The following COL6A5 variants were observed in gnomAD, a reference collection of about 807,000 sequenced individuals.
The protein encoded by COL6A5 is collagen type VI alpha 5 chain.
Under a neutral mutation model 65.6 loss-of-function variants are expected in COL6A5, and 48 were observed. The observed-to-expected ratio is 0.73, with a 90% CI of 0.58 to 0.93. COL6A5 has a LOEUF of 0.93. Ranked by LOEUF, COL6A5 falls within the 40% of genes least tolerant of loss-of-function variation. The probability of loss-of-function intolerance (pLI) is 0.00; values close to 1 mark genes in which losing one functional copy is unlikely to be tolerated. For missense variants in COL6A5, 914 were observed against 928.3 expected, an observed-to-expected ratio of 0.98 and a Z score of 0.20; for synonymous variants, 291 against 322.8, an observed-to-expected ratio of 0.90 and a Z score of 1.05.
intron 1 of COL6A5, among the ~76,000 whole-genome samples, chr3:130,353,312 CA>C (rs1934789819): frequency 6.6e-6 from 1 of 152,104 alleles, no homozygotes; most frequent in Admixed American, 6.5e-5. Context: ...ACAGAAAACC[CA>C]AAAGCACCAG....
At chr3:130,480,318 G>C (rs1374670497) in intron 7 of COL6A5, among the ~76,000 whole-genome samples, 2 of 151,886 alleles carry the variant, frequency 1.3e-5, no homozygotes, top group Non-Finnish European at 1.5e-5. Context: ...TCTTTAAAAA[G>C]TGTTAATGTA....
At chr3:130,474,055 T>A (rs1710027589) in intron 7 of COL6A5, among the ~76,000 whole-genome samples, 1 of 152,044 alleles carries the variant, frequency 6.6e-6, no homozygotes, top group African/African-American at 2.4e-5. Flanking sequence ...GTAGTAACTG[T>A]GGCAGTCTGT....
At chr3:130,477,162 C>A in intron 7 of COL6A5, 1 of 1,080,412 alleles carries the variant, frequency 9.3e-7, no homozygotes, top group Non-Finnish European at 1.3e-6. Context: ...TAAAGTTAGG[C>A]CATGAAACAG....
At chr3:130,478,607 G>A (rs1710156153) in intron 7 of COL6A5, among the ~76,000 whole-genome samples, 1 of 151,990 alleles carries the variant, frequency 6.6e-6, no homozygotes, top group Non-Finnish European at 1.5e-5. Context: ...CACACAAAAT[G>A]GCACATCTCT....
At position 130,388,468 on chromosome 3, in the gene COL6A5, C is replaced by G; in HGVS notation, c.1862-112C>G. The G allele has an allele frequency of 3.4e-6, 3 of 889,004 alleles. No homozygotes were observed. The South Asian group carries it at 6.2e-5, about 18-fold the overall frequency. 55.1% of individuals were successfully genotyped at this position (889,004 alleles called of 1,614,324 possible). A position where few individuals can be genotyped will look rare whatever the true frequency, so the allele number is the denominator to read the frequency against. ...AATTTTCAAACATAACAACAGTTGC[C>G]TGAGTTAATTTTCAATGTTTTCTCA... is the stretch of plus-strand genomic sequence containing the variant. On this transcript the variant is annotated intron_variant and NMD_transcript_variant, in intron 5 of 41. Coordinates refer to the COL6A5 transcript ENST00000312481.
At chr3:130,426,243 A>C (rs1457919167) in exon 30 of COL6A5, 2 of 1,551,342 alleles carry the variant, frequency 1.3e-6, no homozygotes, top group Admixed American at 3.9e-5. Context: ...GGCAGCCTGT[A>C]TATTCTGTAT....
At chr3:130,356,825 G>T (rs1029951912) in intron 1 of COL6A5, among the ~76,000 whole-genome samples, 1 of 152,142 alleles carries the variant, frequency 6.6e-6, no homozygotes, top group Non-Finnish European at 1.5e-5. Flanking sequence ...TGATGAGCAG[G>T]CTTGCATGTC....
Position 130,455,578 on chromosome 3 carries a change from C to G in COL6A5, c.1458C>G (p.Tyr486Ter). Residue 486 changes from tyrosine (Y) to a stop codon, truncating the protein, a stop_gained, in exon 5 of 8, where the codon TAC becomes TAG. Coordinates refer to ENST00000512836, the Ensembl canonical transcript of COL6A5. LOFTEE classifies it high-confidence loss of function. ...ACAATGGAAGTGACTATTTGGTTTA[C>G]CTTCCAAGCCAAATGTTTGAGCCAC... 6.2e-7 allele frequency: 1 copy of G among 1,612,790 alleles called. No homozygotes were observed. The highest frequency in any genetic ancestry group is 1.1e-5 in the South Asian group (1 of 91,030).
intron 6 of COL6A5, among the ~76,000 whole-genome samples, chr3:130,390,088 TC>T (rs912324620): frequency 1.6e-4 from 25 of 152,140 alleles, no homozygotes; most frequent in African/African-American, 5.8e-4. Flanking sequence ...ATTTTCTTCT[TC>T]CCCCAAAGAT....
intron 6 of COL6A5, among the ~76,000 whole-genome samples, chr3:130,390,168 C>G (rs975238832): frequency 6.6e-6 from 1 of 152,152 alleles, no homozygotes; most frequent in Non-Finnish European, 1.5e-5. Context: ...AACTTTGAAA[C>G]CTGCAAGGCT....
chr3:130,345,893 A>G (rs1413479118), exon 1 of COL6A5: 1 of 398,468 alleles, frequency 2.5e-6, no homozygotes, highest in East Asian at 3.6e-5. Flanking sequence ...GCGCGCGTTT[A>G]CTGCGCTCAG....
At chr3:130,468,732 A>G (rs746558596) in intron 5 of COL6A5, 63 bp from the exon 38 acceptor site, 28 of 1,166,126 alleles carry the variant, frequency 2.4e-5, no homozygotes, top group Non-Finnish European at 3.1e-5. Context: ...TTTGCCATCT[A>G]TGACTAGGAG....
At chr3:130,459,716 T>C (rs1469569889) in intron 5 of COL6A5, among the ~76,000 whole-genome samples, 2 of 150,008 alleles carry the variant, frequency 1.3e-5, no homozygotes, top group African/African-American at 5.0e-5. Context: ...ATGTCCAAGA[T>C]TCTACTATAT....
chr3:130,484,143 G>A, exon 8 of COL6A5: 1 of 1,259,596 alleles, frequency 7.9e-7, no homozygotes, highest in Non-Finnish European at 1.1e-6. Context: ...GAGGTACTGT[G>A]GTAAATGACA....
intron 4 of COL6A5, among the ~76,000 whole-genome samples, chr3:130,380,385 T>C (rs937855254): frequency 4.6e-5 from 7 of 152,136 alleles, no homozygotes; most frequent in African/African-American, 1.7e-4. Context: ...AAACCATTAA[T>C]ACTTTTTTCT....
chr3:130,466,028 GAA>G (rs1169366390), intron 5 of COL6A5, among the ~76,000 whole-genome samples: 1 of 151,958 alleles, frequency 6.6e-6, no homozygotes, highest in African/African-American at 2.4e-5. Context: ...TATAAAAAAT[GAA>G]AAGAGTATTA....
rs952447357 is a variant in COL6A5 at position 130,410,181 on chromosome 3, A to G, written c.4608+107A>G. The stretch of plus-strand genomic sequence containing the variant: ...TAATTGAACAAATGCTCTTAAGACC[A>G]CATTGAAAAGACCTTTATTTTTTGA... On this transcript the variant is annotated intron_variant and NMD_transcript_variant, in intron 19 of 41. Coordinates refer to the COL6A5 transcript ENST00000312481. 5 of 828,722 alleles carry G rather than the reference A, an allele frequency of 6.0e-6. No homozygotes were observed. The Admixed American group carries it at 1.4e-4, about 23-fold the overall frequency. 51.3% of individuals were successfully genotyped at this position (828,722 alleles called of 1,614,324 possible). A position where few individuals can be genotyped will look rare whatever the true frequency, so the allele number is the denominator to read the frequency against.
chr3:130,470,965 A>G, exon 7 of COL6A5: 1 of 1,608,708 alleles, frequency 6.2e-7, no homozygotes, highest in Non-Finnish European at 8.5e-7. Context: ...AAAACACTGT[A>G]TTGTGAGTTG....
At chr3:130,437,548 A>G (rs986502437) in intron 1 of COL6A5, among the ~76,000 whole-genome samples, 5 of 152,054 alleles carry the variant, frequency 3.3e-5, no homozygotes, top group Admixed American at 1.3e-4. Flanking sequence ...GCAATTTATC[A>G]TTTCTCTCAG....
Sources: allele counts gnomAD v4.1 joint callset (sites outside exome capture counted in the v4.1 genomes callset), GRCh38; gene constraint gnomAD v4.1.1; transcripts MANE v1.5; gene names NCBI Gene and HGNC (gene_info 2026-07-23, HGNC 2026-07-21).